WAC: variants seen among roughly 807,000 people sequenced by gnomAD.
WAC encodes the protein WW domain-containing adapter protein with coiled-coil.
Under a neutral mutation model 79.6 loss-of-function variants are expected in WAC, and 11 were observed. That is an observed-to-expected ratio of 0.14 (90% CI 0.09 to 0.23). The LOEUF (loss-of-function observed/expected upper bound fraction) is 0.23, where lower values mean the gene tolerates loss of function less well. Among genes scored for constraint, WAC ranks in the 10% least tolerant of loss-of-function variants. The pLI, the probability that WAC is intolerant of heterozygous loss-of-function variation, is 1.00. For synonymous variants in WAC, 304 were observed against 276.9 expected (o/e 1.10, Z -0.97); for missense variants, 728 against 773.5 (o/e 0.94, Z 0.70).
intron 3 of WAC, among the ~76,000 whole-genome samples, chr10:28,575,189 C>T (rs1025729914): frequency 2.0e-5 from 3 of 152,084 alleles, no homozygotes; most frequent in South Asian, 2.1e-4. Flanking sequence ...GTTTGGGGTA[C>T]GAATGATCCC....
chr10:28,545,248 T>C (rs1055316151), intron 3 of WAC, among the ~76,000 whole-genome samples: 1 of 151,944 alleles, frequency 6.6e-6, no homozygotes, highest in Admixed American at 6.6e-5. Context: ...TCCCAGCATT[T>C]TGGGAGGCCG....
intron 2 of WAC, among the ~76,000 whole-genome samples, chr10:28,535,048 C>T (rs1341747029): frequency 5.3e-5 from 8 of 151,066 alleles, no homozygotes; most frequent in Admixed American, 3.3e-4. Flanking sequence ...TTTCCCACAC[C>T]TGGGAGAGTA....
At chr10:28,546,276 A>G (rs1008073139) in intron 3 of WAC, among the ~76,000 whole-genome samples, 16 of 152,244 alleles carry the variant, frequency 1.1e-4, no homozygotes, top group African/African-American at 3.6e-4. Flanking sequence ...TACTTTGGTT[A>G]CGATGAAGAG....
chr10:28,561,098 T>A (rs1409029240), intron 3 of WAC, among the ~76,000 whole-genome samples: 1 of 152,248 alleles, frequency 6.6e-6, no homozygotes, highest in Non-Finnish European at 1.5e-5. Context: ...GTAGATCAGA[T>A]ACTGTAATAA....
At chr10:28,600,268 A>G (rs527770427) in intron 7 of WAC, among the ~76,000 whole-genome samples, 235 of 152,262 alleles carry the variant, frequency 1.5e-3, no homozygotes, top group African/African-American at 5.5e-3. Flanking sequence ...AGGACAGACT[A>G]GTCGTTTTAA....
intron 6 of WAC, among the ~76,000 whole-genome samples, chr10:28,592,876 G>A (rs1459322165): frequency 1.3e-5 from 2 of 152,028 alleles, no homozygotes; most frequent in Non-Finnish European, 2.9e-5. Flanking sequence ...CTTTTATTCA[G>A]CAATGTGTCA....
At chr10:28,602,177 G>T (rs1391442638) in intron 7 of WAC, among the ~76,000 whole-genome samples, 2 of 152,194 alleles carry the variant, frequency 1.3e-5, no homozygotes, top group Non-Finnish European at 2.9e-5. Flanking sequence ...AGCACAGTAT[G>T]TGGGAGTGTG....
intron 7 of WAC, among the ~76,000 whole-genome samples, chr10:28,603,949 A>AAGAT (rs1840776456): frequency 3.0e-5 from 1 of 33,132 alleles, no homozygotes; most frequent in African/African-American, 1.2e-4. Context: ...AAAAATATAT[A>AAGAT]TATGTATGTA....
chr10:28,603,962 T>TAAAAAAAAA (rs1564413729), intron 7 of WAC, among the ~76,000 whole-genome samples: 2 of 1,816 alleles, frequency 1.1e-3, no homozygotes, highest in African/African-American at 3.0e-3. Context: ...TGTATGTATG[T>TAAAAAAAAA]ATATATATAT....
chr10:28,550,380 TC>T (rs1564379013), intron 3 of WAC, among the ~76,000 whole-genome samples: 1 of 151,704 alleles, frequency 6.6e-6, no homozygotes, highest in Non-Finnish European at 1.5e-5. Context: ...TTTTTTTTTT[TC>T]CTTTGCCAAA....
chr10:28,617,582 A>G (rs1841526305), intron 12 of WAC, 75 bp from the exon 13 acceptor site: 5 of 1,324,710 alleles, frequency 3.8e-6, no homozygotes, highest in Non-Finnish European at 5.0e-6. Context: ...ATAAAATTGT[A>G]CTCAGAAATT....
At chr10:28,583,674 C>A (rs1335608511) in intron 4 of WAC, among the ~76,000 whole-genome samples, 169 bp downstream of exon 4, 1 of 151,536 alleles carries the variant, frequency 6.6e-6, no homozygotes, top group Non-Finnish European at 1.5e-5. Context: ...CTATTTTAAA[C>A]CAATGAGCCA....
rs950150901 is a variant in WAC, at chr10:28,622,947, A to G, written c.*3341A>G. 2 of 152,174 alleles carry G rather than the reference A, an allele frequency of 1.3e-5. No homozygotes were observed. Among genetic ancestry groups the G allele is most frequent in the Non-Finnish European group, 2.9e-5 (2 of 68,044 alleles). 9.4% of individuals were successfully genotyped at this position (152,174 alleles called of 1,614,324 possible). ...CTTTTCAATACCTGTAAATATGGCT[A>G]TATTCTTGTATTTGTACGGGAGTGT... On this transcript the variant is annotated 3_prime_UTR_variant, in exon 14 of 14. Coordinates refer to ENST00000354911, the MANE Select transcript of WAC (RefSeq NM_016628.5).
At chr10:28,611,605 C>T (rs1013627840) in intron 9 of WAC, 169 bp from the exon 10 acceptor site, 1 of 1,225,182 alleles carries the variant, frequency 8.2e-7, no homozygotes. Context: ...TCAGTGTGGC[C>T]CAGTGAGAAG....
chr10:28,611,369 A>T, intron 9 of WAC: 1 of 1,296,404 alleles, frequency 7.7e-7, no homozygotes, highest in Non-Finnish European at 1.0e-6. Flanking sequence ...CTTGTCTGGA[A>T]TGGAAGTATA....
chr10:28,537,994 A>T (rs1836773518), intron 3 of WAC, among the ~76,000 whole-genome samples: 1 of 152,090 alleles, frequency 6.6e-6, no homozygotes, highest in Admixed American at 6.5e-5. Context: ...CTGTGATTCC[A>T]TTCCTGTCTC....
chr10:28,534,098 C>T (rs1384784552), intron 2 of WAC, 64 bp downstream of exon 2: 11 of 1,490,728 alleles, frequency 7.4e-6, no homozygotes, highest in Non-Finnish European at 9.9e-6. Context: ...GGGACTGCTA[C>T]TCGAGCGCAG....
chr10:28,588,513 C>T (rs1289510613), intron 4 of WAC, among the ~76,000 whole-genome samples: 2 of 152,106 alleles, frequency 1.3e-5, no homozygotes, highest in Non-Finnish European at 2.9e-5. Context: ...CTTTGATAAA[C>T]CACTAATTAG....
intron 3 of WAC, among the ~76,000 whole-genome samples, chr10:28,563,744 C>CTTTTTTTT (rs71281550): frequency 0.032 from 2,163 of 67,528 alleles, 174 homozygotes; most frequent in East Asian, 0.046. Context: ...CTACACCCAG[C>CTTTTTTTT]TTTTTTTTTT....
Sources: allele counts gnomAD v4.1 joint callset (sites outside exome capture counted in the v4.1 genomes callset), GRCh38; gene constraint gnomAD v4.1.1; transcripts MANE v1.5; gene names NCBI Gene and HGNC (gene_info 2026-07-23, HGNC 2026-07-21).